Variants in SAMD5 observed in about 807,000 individuals in gnomAD.
SAMD5 encodes sterile alpha motif domain-containing protein 5.
Under a neutral mutation model 11.3 loss-of-function variants are expected in SAMD5, and 13 were observed. The observed-to-expected ratio is 1.15, with a 90% confidence interval of 0.75 to 1.83. The LOEUF is 1.83. Ranked by LOEUF, SAMD5 falls within the 40% of genes most tolerant of loss-of-function variation. The pLI is 0.00. For synonymous variants in SAMD5, 129 were observed against 111.3 expected (o/e 1.16, Z -1.00); for missense variants, 255 against 239.1 (o/e 1.07, Z -0.44).
chr6:147,576,111 A>G (rs1016692636), intron 1 of SAMD5, among the ~76,000 whole-genome samples: 2 of 151,556 alleles, frequency 1.3e-5, no homozygotes, highest in Non-Finnish European at 2.9e-5. Context: ...TTTGGCCTTT[A>G]AATATTAGAA....
the SAMD5 span, among the ~76,000 whole-genome samples, chr6:147,790,118 G>A: frequency 6.6e-6 from 1 of 152,160 alleles, no homozygotes; most frequent in Non-Finnish European, 1.5e-5. Flanking sequence ...AAAGAAAATG[G>A]CATGCAGATA....
the SAMD5 span, among the ~76,000 whole-genome samples, chr6:147,877,940 T>A: frequency 0.026 from 2,490 of 97,242 alleles, 32 homozygotes; most frequent in Middle Eastern, 0.037. Context: ...GATAGATAGA[T>A]AGATAGACTC....
the SAMD5 span, among the ~76,000 whole-genome samples, chr6:147,820,203 A>G: frequency 0.3 from 45,998 of 152,102 alleles, 8,185 homozygotes; most frequent in African/African-American, 0.49. Flanking sequence ...TGCTTTAAAC[A>G]TATTTCTGAT....
At chr6:147,563,667 G>T (rs1388583026) in intron 1 of SAMD5, among the ~76,000 whole-genome samples, 1 of 152,180 alleles carries the variant, frequency 6.6e-6, no homozygotes, top group Non-Finnish European at 1.5e-5. Context: ...TGACAATGAA[G>T]GGGTTAAAAC....
At chr6:147,757,939 G>A in the SAMD5 span, among the ~76,000 whole-genome samples, 2 of 152,080 alleles carry the variant, frequency 1.3e-5, no homozygotes, top group Admixed American at 6.6e-5. Flanking sequence ...AGCCTAGTGA[G>A]TTTTTCATTC....
At chr6:147,946,497 A>G in the SAMD5 span, among the ~76,000 whole-genome samples, 1 of 152,162 alleles carries the variant, frequency 6.6e-6, no homozygotes, top group African/African-American at 2.4e-5. Flanking sequence ...TTTCCTAGTC[A>G]CTTCCAGCTG....
intron 1 of SAMD5, among the ~76,000 whole-genome samples, chr6:147,609,319 A>G (rs1789747386): frequency 6.6e-6 from 1 of 152,194 alleles, no homozygotes; most frequent in Non-Finnish European, 1.5e-5. Flanking sequence ...TACAAGCTAA[A>G]GAAAGAGGCC....
chr6:147,918,078 T>C, the SAMD5 span, among the ~76,000 whole-genome samples: 3 of 152,206 alleles, frequency 2.0e-5, no homozygotes, highest in African/African-American at 7.2e-5. Flanking sequence ...AAAGTAGTTT[T>C]TTTCCAATTC....
the SAMD5 span, among the ~76,000 whole-genome samples, chr6:147,771,085 T>C: frequency 6.6e-6 from 1 of 152,218 alleles, no homozygotes; most frequent in Non-Finnish European, 1.5e-5. Flanking sequence ...TGACCTTTTA[T>C]CAGGTAAATG....
intron 1 of SAMD5, among the ~76,000 whole-genome samples, chr6:147,638,087 T>C (rs1362539757): frequency 1.3e-5 from 2 of 152,154 alleles, no homozygotes; most frequent in South Asian, 2.1e-4. Context: ...CATTTATACC[T>C]GCTTGACTGA....
intron 1 of SAMD5, among the ~76,000 whole-genome samples, chr6:147,555,037 T>C (rs1247899671): frequency 6.6e-6 from 1 of 152,230 alleles, no homozygotes; most frequent in Non-Finnish European, 1.5e-5. Flanking sequence ...TAGTACTTAC[T>C]GGATTCTTCA....
chr6:147,726,893 T>A (rs1034746480), intron 1 of SAMD5, among the ~76,000 whole-genome samples: 1 of 152,232 alleles, frequency 6.6e-6, no homozygotes, highest in Admixed American at 6.5e-5. Flanking sequence ...CAGATCTGCC[T>A]TACTTCTTCT....
intron 1 of SAMD5, among the ~76,000 whole-genome samples, chr6:147,692,128 T>G (rs7774985): frequency 0.012 from 1,879 of 151,910 alleles, 50 homozygotes; most frequent in African/African-American, 0.044. Context: ...TGTAGATGTT[T>G]AAAAAGGAAC....
chr6:147,715,401 G>A (rs975806775), intron 1 of SAMD5, among the ~76,000 whole-genome samples: 1 of 152,238 alleles, frequency 6.6e-6, no homozygotes, highest in African/African-American at 2.4e-5. Flanking sequence ...GTTGGACCAG[G>A]TGTACTGCAA....
intron 1 of SAMD5, among the ~76,000 whole-genome samples, chr6:147,563,099 A>T (rs1931061): frequency 0.53 from 80,480 of 152,022 alleles, 21,474 homozygotes; most frequent in East Asian, 0.66. Context: ...GCAAAATAGG[A>T]TGATTCTCTG....
At chr6:147,604,115 G>C (rs999514530) in intron 1 of SAMD5, among the ~76,000 whole-genome samples, 1 of 152,044 alleles carries the variant, frequency 6.6e-6, no homozygotes, top group African/African-American at 2.4e-5. Flanking sequence ...TTTCTAACAC[G>C]AAGACTGACG....
At chr6:147,942,311 A>T in the SAMD5 span, among the ~76,000 whole-genome samples, 1 of 152,208 alleles carries the variant, frequency 6.6e-6, no homozygotes, top group Admixed American at 6.5e-5. Context: ...AAGCTTTCAG[A>T]TTTGCGGAGA....
chr6:147,629,323 T>A (rs61351258), intron 1 of SAMD5, among the ~76,000 whole-genome samples: 5,841 of 54,196 alleles, frequency 0.11, 395 homozygotes, highest in African/African-American at 0.22. Flanking sequence ...AAAATAATAA[T>A]AAAAAAAATC....
the SAMD5 span, among the ~76,000 whole-genome samples, chr6:147,834,485 A>G: frequency 1.5e-4 from 23 of 152,346 alleles, no homozygotes; most frequent in African/African-American, 5.1e-4. Flanking sequence ...CACCGGAGTG[A>G]TAAGAAACAC....
Sources: gnomAD v4.1 joint callset for allele counts (sites outside exome capture counted in the v4.1 genomes callset) on GRCh38, gnomAD v4.1.1 for gene constraint, MANE v1.5 for transcripts, NCBI Gene and HGNC (gene_info 2026-07-23, HGNC 2026-07-21) for gene names.